ADGB: variants seen among roughly 807,000 people sequenced by gnomAD.
ADGB encodes the protein androglobin.
A neutral mutation model predicts 210.5 loss-of-function variants in ADGB; 172 were observed. The ratio of observed to expected loss-of-function variants is 0.82; its 90% CI spans 0.72 to 0.93. ADGB has a LOEUF of 0.93. ADGB is among the 40% of genes least tolerant of loss of function. The pLI, the probability that ADGB is intolerant of heterozygous loss-of-function variation, is 0.00. For missense variants in ADGB, 2,025 were observed against 1,964.8 expected (o/e 1.03, Z -0.58); for synonymous variants, 658 against 662.7 (o/e 0.99, Z 0.11).
intron 26 of ADGB, among the ~76,000 whole-genome samples, chr6:146,749,217 C>T (rs1777285295): frequency 6.6e-6 from 1 of 152,052 alleles, no homozygotes; most frequent in African/African-American, 2.4e-5. Flanking sequence ...CAAGGTGGGC[C>T]ATAGGAAGAC....
intron 35 of ADGB, among the ~76,000 whole-genome samples, chr6:146,813,239 C>T (rs1010417323): frequency 3.0e-4 from 46 of 151,200 alleles, no homozygotes; most frequent in Admixed American, 2.9e-3. Flanking sequence ...TCTCCCCTTT[C>T]TCCAGCATTT....
intron 5 of ADGB, 83 bp downstream of exon 5, chr6:146,657,063 T>A: frequency 8.0e-7 from 1 of 1,246,808 alleles, no homozygotes; most frequent in Non-Finnish European, 1.1e-6. Context: ...CTCATGCCTG[T>A]AATCGCAGCA....
intron 30 of ADGB, among the ~76,000 whole-genome samples, chr6:146,782,477 GTCTAAT>G (rs1777815863): frequency 6.6e-6 from 1 of 152,142 alleles, no homozygotes; most frequent in Admixed American, 6.5e-5. Context: ...AGAATTCACA[GTCTAAT>G]AATGGAGGAG....
chr6:146,739,473 C>G (rs79433163), intron 23 of ADGB, among the ~76,000 whole-genome samples: 3,137 of 152,244 alleles, frequency 0.021, 38 homozygotes, highest in Middle Eastern at 0.061. Flanking sequence ...TATTATTTGT[C>G]TTTGTCACCA....
chr6:146,752,801 CAAGTAACCACTTA>C, intron 27 of ADGB, 87 bp downstream of exon 27: 1 of 1,227,492 alleles, frequency 8.1e-7, no homozygotes, highest in Non-Finnish European at 1.1e-6. Flanking sequence ...AATAAAGTAG[CAAGTAACCACTTA>C]AATTATGAAA....
chr6:146,606,469 C>T (rs541765004), intron 1 of ADGB, among the ~76,000 whole-genome samples: 1 of 152,126 alleles, frequency 6.6e-6, no homozygotes, highest in Admixed American at 6.5e-5. Context: ...AAATATTTTC[C>T]AGGGCCTATG....
At chr6:146,809,867 A>C (rs1490072329) in intron 35 of ADGB, among the ~76,000 whole-genome samples, 12 of 152,146 alleles carry the variant, frequency 7.9e-5, no homozygotes, top group South Asian at 2.1e-4. Flanking sequence ...AGAAGATTGC[A>C]TACAGAAAAA....
rs1286018813 is a variant in ADGB, at chr6:146,664,418, TA to T, written c.752+79del. 15 of 1,365,554 alleles carry T rather than the reference TA, an allele frequency of 1.1e-5. No individual in the cohort carries two copies. In the Middle Eastern group the frequency reaches 1.3e-3, roughly 114 times the overall value. 84.6% of individuals were successfully genotyped at this position (1,365,554 alleles called of 1,614,324 possible). On this transcript the variant is annotated intron_variant, in intron 6 of 35. Transcript: ENST00000397944. ...AACTATACATTTGTATTGCATAATTTATTTTTTTAAAATTAGCTAAAAGACA... is the reference window on the plus strand; with the variant it reads ...AACTATACATTTGTATTGCATAATTTTTTTTTTAAAATTAGCTAAAAGACA...
rs189600728 is a variant in ADGB, at chr6:146,755,909, T to C, written c.3550+3195T>C. Among the ~76,000 whole-genome samples, 93 of 152,258 alleles carry C rather than the reference T, an allele frequency of 6.1e-4. 1 individual carries two copies. The highest frequency in any genetic ancestry group is 3.9e-4 in the East Asian group (2 of 5,190). ...GAAATAACTGTTATTTTTCTATATGTAAAAATCTTTATATCCCTTTTCTAC... is the reference window on the plus strand; with the variant it reads ...GAAATAACTGTTATTTTTCTATATGCAAAAATCTTTATATCCCTTTTCTAC... On this transcript the variant is annotated intron_variant, in intron 27 of 35. Coordinates refer to ENST00000397944, the MANE Select transcript of ADGB (RefSeq NM_024694.4).
chr6:146,715,352 G>T, intron 13 of ADGB, 30 bp from the exon 14 acceptor site: 2 of 1,481,894 alleles, frequency 1.3e-6, no homozygotes, highest in East Asian at 2.6e-5. Flanking sequence ...TGTTTTGTTG[G>T]ATTCAAAGTG....
intron 1 of ADGB, among the ~76,000 whole-genome samples, chr6:146,630,600 T>C (rs1272417526): frequency 6.6e-6 from 1 of 151,814 alleles, no homozygotes; most frequent in African/African-American, 2.4e-5. Flanking sequence ...GATCCAGAAG[T>C]GAAGAGAAAA....
chr6:146,666,960 TA>T, intron 7 of ADGB, 58 bp downstream of exon 7: 1 of 1,332,800 alleles, frequency 7.5e-7, no homozygotes. Flanking sequence ...AAGATTTCTT[TA>T]AAATATTCCT....
At chr6:146,805,955 G>A (rs1285272947) in intron 35 of ADGB, among the ~76,000 whole-genome samples, 1 of 152,216 alleles carries the variant, frequency 6.6e-6, no homozygotes, top group Non-Finnish European at 1.5e-5. Flanking sequence ...TATGTGGACA[G>A]ATATTCTGTT....
chr6:146,676,903 A>G (rs964383782), intron 9 of ADGB, among the ~76,000 whole-genome samples: 8 of 152,200 alleles, frequency 5.3e-5, no homozygotes, highest in African/African-American at 1.9e-4. Context: ...GTCATTGTTT[A>G]TATCACAATA....
intron 1 of ADGB, among the ~76,000 whole-genome samples, chr6:146,608,535 CTGCTTTAGCAGT>C (rs1375927320): frequency 6.6e-6 from 1 of 152,170 alleles, no homozygotes; most frequent in Non-Finnish European, 1.5e-5. Context: ...CCTTTTAACA[CTGCTTTAGCAGT>C]GTCCCAGAGA....
At chr6:146,775,740 T>G (rs1450705712) in intron 29 of ADGB, among the ~76,000 whole-genome samples, 4 of 152,098 alleles carry the variant, frequency 2.6e-5, no homozygotes, top group Non-Finnish European at 5.9e-5. Context: ...CTGTTGTTCT[T>G]TATTTGGCAC....
In ADGB at chr6:146,656,756, G is replaced by A. The variant is rs1375306171; in HGVS notation, c.403-15G>A. The A allele has an allele frequency of 3.3e-6, 5 of 1,495,722 alleles. No homozygotes were observed. The highest frequency in any genetic ancestry group is 4.5e-6 in the Non-Finnish European group (5 of 1,117,110). 92.7% of individuals were successfully genotyped at this position (1,495,722 alleles called of 1,614,324 possible). A position where few individuals can be genotyped will look rare whatever the true frequency, so the allele number is the denominator to read the frequency against. ...TGAAAAATAACCAATTAACCCTAAT[G>A]TTTTTTATCTCTAGCTGATGAGATG... On this transcript the variant is annotated splice_polypyrimidine_tract_variant and intron_variant, in intron 4 of 35. Transcript: ENST00000397944.
At chr6:146,765,800 T>G (rs575592282) in intron 28 of ADGB, among the ~76,000 whole-genome samples, 4 of 151,450 alleles carry the variant, frequency 2.6e-5, no homozygotes, top group African/African-American at 9.7e-5. Flanking sequence ...TAAAAACAAA[T>G]GAGCTAAGCT....
chr6:146,707,336 T>C (rs1451502321), intron 13 of ADGB, among the ~76,000 whole-genome samples: 1 of 152,204 alleles, frequency 6.6e-6, no homozygotes, highest in African/African-American at 2.4e-5. Flanking sequence ...GTTCTGTATA[T>C]ATCTGTTAGG....
Sources: allele counts gnomAD v4.1 joint callset (sites outside exome capture counted in the v4.1 genomes callset), GRCh38; gene constraint gnomAD v4.1.1; transcripts MANE v1.5; gene names NCBI Gene and HGNC (gene_info 2026-07-23, HGNC 2026-07-21).